Variants in MED13L observed in about 807,000 individuals in gnomAD.
The protein encoded by MED13L is mediator of RNA polymerase II transcription subunit 13-like.
MED13L carries 7 observed loss-of-function variants against 220.9 expected under a neutral mutation model. The ratio of observed to expected loss-of-function variants is 0.03; its 90% CI spans 0.02 to 0.06. MED13L has a LOEUF of 0.06. Ranked by LOEUF, MED13L falls within the 10% of genes least tolerant of loss-of-function variation. MED13L has a pLI of 1.00. For missense variants in MED13L, 1,965 were observed against 2,760.5 expected (o/e 0.71, Z 6.46); for synonymous variants, 1,011 against 1,015.2 (o/e 1.00, Z 0.08).
At chr12:116,272,004 C>A (rs916016691) in intron 1 of MED13L, among the ~76,000 whole-genome samples, 1 of 151,432 alleles carries the variant, frequency 6.6e-6, no homozygotes, top group Non-Finnish European at 1.5e-5. Flanking sequence ...TCGAATGTTT[C>A]AAAAAAAATC....
chr12:116,022,379 C>T, intron 5 of MED13L, 77 bp downstream of exon 5: 1 of 1,560,928 alleles, frequency 6.4e-7, no homozygotes, highest in South Asian at 1.1e-5. Flanking sequence ...AGGTCTCACC[C>T]TGCAAAACTT....
At chr12:116,235,929 G>C (rs1870037763) in intron 2 of MED13L, among the ~76,000 whole-genome samples, 1 of 152,186 alleles carries the variant, frequency 6.6e-6, no homozygotes, top group East Asian at 1.9e-4. Flanking sequence ...AGAAACAGAA[G>C]ATGACAGTCA....
intron 22 of MED13L, among the ~76,000 whole-genome samples, chr12:115,981,377 G>A (rs1271447853): frequency 6.6e-6 from 1 of 152,128 alleles, no homozygotes; most frequent in Non-Finnish European, 1.5e-5. Context: ...AATGTACTCT[G>A]ATAACTTTAA....
chr12:116,186,323 G>A (rs1396537675), intron 2 of MED13L, among the ~76,000 whole-genome samples: 9 of 152,134 alleles, frequency 5.9e-5, no homozygotes, highest in Admixed American at 1.3e-4. Flanking sequence ...CTGATTGAAC[G>A]TAAAGTCAGA....
chr12:116,214,197 C>A (rs1025191093), intron 2 of MED13L, among the ~76,000 whole-genome samples: 3 of 152,178 alleles, frequency 2.0e-5, no homozygotes, highest in African/African-American at 7.2e-5. Context: ...ATCCACTGGA[C>A]ACAAAGTTCT....
At chr12:116,230,417 G>C (rs1267499121) in intron 2 of MED13L, 1 of 922,570 alleles carries the variant, frequency 1.1e-6, no homozygotes, top group African/African-American at 1.8e-5. Context: ...ATAAAAAAAA[G>C]TAAAATGAAA....
intron 4 of MED13L, among the ~76,000 whole-genome samples, chr12:116,088,332 A>G (rs189243899): frequency 6.6e-6 from 1 of 152,288 alleles, no homozygotes; most frequent in Admixed American, 6.5e-5. Context: ...TCAAAGACAC[A>G]AACTCTGCCC....
chr12:115,982,515 C>T lies in MED13L; in HGVS notation c.5044G>A (p.Val1682Met). Residue 1682 changes from valine to methionine, a missense_variant, in exon 22 of 31, where the codon GTG (valine) becomes ATG (methionine). Physicochemically the swap from Val to Met is conservative, Grantham distance 21 (BLOSUM62 1). This residue lies in a region of MED13L where 510 missense variants were observed against 620.4 expected (regional missense o/e 0.82). Transcript: ENST00000281928. ...AHPPAVVIYMVDPFTYAAEED... is the reference protein window; with the variant it reads ...AHPPAVVIYMMDPFTYAAEED... ...TCTGCAGCATACGTGAACGGGTCCA[C>T]CATGTAAATGACAACAGCTGGAGGG... 6.2e-7 allele frequency: 1 copy of T among 1,614,136 alleles called. No individual in the cohort carries two copies. Among genetic ancestry groups the T allele is most frequent in the African/African-American group, 1.3e-5 (1 of 75,034 alleles).
At chr12:116,158,166 A>C (rs1228995223) in intron 2 of MED13L, among the ~76,000 whole-genome samples, 1 of 151,768 alleles carries the variant, frequency 6.6e-6, no homozygotes, top group Non-Finnish European at 1.5e-5. Context: ...AAAAAAAAAA[A>C]CCGAGAAACA....
intron 2 of MED13L, among the ~76,000 whole-genome samples, chr12:116,142,472 G>A (rs563721380): frequency 6.6e-6 from 1 of 152,244 alleles, no homozygotes; most frequent in South Asian, 2.1e-4. Context: ...TGGCTCACCT[G>A]AGGGCAGGAG....
At chr12:115,967,353 A>C (rs1451644439) in intron 28 of MED13L, among the ~76,000 whole-genome samples, 1 of 152,286 alleles carries the variant, frequency 6.6e-6, no homozygotes, top group East Asian at 1.9e-4. Context: ...TTAATGGTTC[A>C]GAAAAAGGAA....
intron 4 of MED13L, among the ~76,000 whole-genome samples, chr12:116,060,802 G>GCA (rs982278769): frequency 2.4e-4 from 36 of 151,724 alleles, no homozygotes; most frequent in Admixed American, 1.2e-3. Context: ...ATTATCTTAA[G>GCA]CACACACACA....
rs1252715065 is a variant in MED13L at position 116,207,385 on chromosome 12, G to A, written c.310+30083C>T. Among the ~76,000 whole-genome samples the A allele has an allele frequency of 2.0e-5, 3 of 152,162 alleles. No individual in the cohort carries two copies. In the East Asian group the frequency reaches 5.8e-4, roughly 29 times the overall value. On this transcript the variant is annotated intron_variant, in intron 2 of 30. Coordinates refer to ENST00000281928, the MANE Select transcript of MED13L (RefSeq NM_015335.5). ...ACAGAATTCAGTGCAATAACATGCT[G>A]TAGCCTACAAGCTACATAAAGCCCA...
intron 2 of MED13L, among the ~76,000 whole-genome samples, chr12:116,211,290 A>G (rs781078524): frequency 7.9e-5 from 12 of 152,178 alleles, no homozygotes; most frequent in Non-Finnish European, 1.3e-4. Context: ...GACACCAGGG[A>G]TCTGAATTTT....
rs1876890524 is a variant in MED13L, at chr12:115,975,716, T to C, written c.5387A>G (p.Tyr1796Cys). The C allele has an allele frequency of 4.3e-6, 7 of 1,612,986 alleles. No homozygotes were observed. Among genetic ancestry groups the C allele is most frequent in the African/African-American group, 1.3e-5 (1 of 74,590 alleles). Residue 1796 changes from tyrosine (Y) to cysteine (C), a missense_variant, in exon 24 of 31, where the codon TAC becomes TGC. By Grantham distance (194) the Tyr-to-Cys change is radical. Around this residue, in one of 10 missense-constraint regions of MED13L, gnomAD observed 510 missense variants for 620.4 expected, o/e 0.82. Transcript: ENST00000281928. ...TGGGGCCAATATAAAGGGAGGGGAG[T>C]AAAGCTGGATTGGGCTGGGCCGCTG... ...NPERPSPIQL[Y>C]SPPFILAPIK...
chr12:116,266,380 C>A (rs73398840), intron 1 of MED13L, among the ~76,000 whole-genome samples: 145 of 152,316 alleles, frequency 9.5e-4, no homozygotes, highest in Middle Eastern at 3.4e-3. Context: ...GAGAAAGCAG[C>A]AGTGGGTGCC....
At chr12:116,081,931 T>A (rs1033783522) in intron 4 of MED13L, among the ~76,000 whole-genome samples, 1 of 152,210 alleles carries the variant, frequency 6.6e-6, no homozygotes, top group Non-Finnish European at 1.5e-5. Flanking sequence ...CTTGTTTAAA[T>A]GTTTGGGATG....
intron 1 of MED13L, among the ~76,000 whole-genome samples, chr12:116,248,136 G>A (rs551811770): frequency 3.9e-4 from 60 of 151,988 alleles, no homozygotes; most frequent in East Asian, 9.6e-4. Context: ...AAATTAACAC[G>A]GCAACAAGAA....
intron 4 of MED13L, among the ~76,000 whole-genome samples, chr12:116,025,931 G>A (rs1308506478): frequency 1.3e-5 from 2 of 152,056 alleles, no homozygotes; most frequent in Non-Finnish European, 2.9e-5. Context: ...ATCATTACAC[G>A]CTGTATACAG....
Sources: allele counts gnomAD v4.1 joint callset (sites outside exome capture counted in the v4.1 genomes callset), GRCh38; gene constraint gnomAD v4.1.1; regional missense constraint gnomAD v4.1.1; transcripts MANE v1.5; gene names NCBI Gene and HGNC (gene_info 2026-07-23, HGNC 2026-07-21).